PTPRC: variants seen among roughly 807,000 people sequenced by gnomAD.
PTPRC encodes protein tyrosine phosphatase receptor type C, also known as receptor-type tyrosine-protein phosphatase C.
PTPRC carries 44 observed loss-of-function variants against 155.9 expected under a neutral mutation model. The observed-to-expected ratio is 0.28, with a 90% CI of 0.22 to 0.36. The LOEUF (loss-of-function observed/expected upper bound fraction) is 0.36, where lower values mean the gene tolerates loss of function less well. Among genes scored for constraint, PTPRC ranks in the 10% least tolerant of loss-of-function variants. PTPRC has a pLI of 1.00. For synonymous variants in PTPRC, 525 were observed against 533.1 expected, an observed-to-expected ratio of 0.98 and a Z score of 0.21; for missense variants, 1,401 against 1,564.6, an observed-to-expected ratio of 0.90 and a Z score of 1.76.
chr1:198,745,160 T>A (rs951096001), intron 26 of PTPRC, among the ~76,000 whole-genome samples: 1 of 152,016 alleles, frequency 6.6e-6, no homozygotes, highest in African/African-American at 2.4e-5. Flanking sequence ...TATGAATGTT[T>A]ATTTACTATA....
chr1:198,716,896 C>A, intron 13 of PTPRC, 56 bp downstream of exon 13: 1 of 1,505,212 alleles, frequency 6.6e-7, no homozygotes, highest in Non-Finnish European at 9.2e-7. Context: ...AAGGTATGAA[C>A]TTTTTAGCCT....
At chr1:198,691,834 T>C (rs918082527) in intron 2 of PTPRC, among the ~76,000 whole-genome samples, 6 of 152,232 alleles carry the variant, frequency 3.9e-5, no homozygotes, top group Admixed American at 3.9e-4. Flanking sequence ...TGTTCTCCTT[T>C]AGCACATTCT....
chr1:198,727,912 A>T (rs546898177), intron 15 of PTPRC, among the ~76,000 whole-genome samples: 1 of 152,264 alleles, frequency 6.6e-6, no homozygotes, highest in South Asian at 2.1e-4. Flanking sequence ...GTGAAGTAGA[A>T]GTCTTTCTCA....
At chr1:198,673,020 C>T (rs1050948776) in intron 2 of PTPRC, among the ~76,000 whole-genome samples, 2 of 152,142 alleles carry the variant, frequency 1.3e-5, no homozygotes, top group East Asian at 1.9e-4. Context: ...CTCTACCTTA[C>T]ATCTTGCTTT....
chr1:198,755,748 A>AAAT (rs1655615394), intron 32 of PTPRC, among the ~76,000 whole-genome samples, 158 bp from the exon 33 acceptor site: 2 of 152,226 alleles, frequency 1.3e-5, no homozygotes, highest in South Asian at 2.1e-4. Flanking sequence ...TAAAGAAACT[A>AAAT]AATTATTTAG....
At chr1:198,752,830 A>C in intron 31 of PTPRC, 58 bp downstream of exon 31, 1 of 1,560,682 alleles carries the variant, frequency 6.4e-7, no homozygotes, top group South Asian at 1.1e-5. Context: ...TTCTCGGTTC[A>C]CATGTTGTCT....
intron 2 of PTPRC, among the ~76,000 whole-genome samples, chr1:198,643,151 C>T (rs1662731121): frequency 6.6e-6 from 1 of 151,652 alleles, no homozygotes; most frequent in African/African-American, 2.4e-5. Flanking sequence ...TTTTTATCAC[C>T]TTTTCTTGGC....
rs565214239 is a variant in PTPRC at position 198,643,962 on chromosome 1, GA to G, written c.73+4623del. 1.0e-3 allele frequency among the ~76,000 whole-genome samples: 153 copies of G among 152,022 alleles called. 2 individuals carry two copies. In the South Asian group the frequency reaches 0.014, roughly 14 times the overall value. On this transcript the variant is annotated intron_variant, in intron 2 of 32. Coordinates refer to ENST00000442510, the MANE Select transcript of PTPRC (RefSeq NM_002838.5). ...ATTTCTTTACAGACAGTGTGGTGAT[GA>G]ATGTCAATCTGAGTAGGTAAGGGGC...
intron 2 of PTPRC, among the ~76,000 whole-genome samples, chr1:198,669,292 T>C (rs1664511228): frequency 6.6e-6 from 1 of 152,182 alleles, no homozygotes; most frequent in Non-Finnish European, 1.5e-5. Context: ...CATAAGGCTC[T>C]TTATCTCTGA....
rs1655659961 is a variant in PTPRC, at chr1:198,756,322, C to T, written c.*141C>T. On this transcript the variant is annotated 3_prime_UTR_variant, in exon 33 of 33. Transcript: ENST00000442510. ...TTTGTAGAAGGGTTATATTTTACTA[C>T]TGTGGAAAAATATTTAAGATAGTTT... The T allele has an allele frequency of 9.1e-7, 1 of 1,102,852 alleles. No individual in the cohort carries two copies. Among genetic ancestry groups the T allele is most frequent in the African/African-American group, 1.6e-5 (1 of 63,196 alleles). 68.3% of individuals were successfully genotyped at this position (1,102,852 alleles called of 1,614,324 possible).
rs765925106 is a variant in PTPRC, at chr1:198,757,344, C to T, written c.*1163C>T. On this transcript the variant is annotated 3_prime_UTR_variant, in exon 33 of 33. Transcript: ENST00000442510. ...TGCACCTATTGAAATATGTTTAATG[C>T]ATTTATTAACATTTGCAGGACACTT... 15 of 151,210 alleles carry T rather than the reference C, an allele frequency of 9.9e-5. No homozygotes were observed. The highest frequency in any genetic ancestry group is 1.9e-4 in the Non-Finnish European group (13 of 67,672). 9.4% of individuals were successfully genotyped at this position (151,210 alleles called of 1,614,324 possible).
Position 198,756,233 on chromosome 1 carries a change from T to C in PTPRC, c.*52T>C, listed in dbSNP as rs1270497374. 2 of 1,604,370 alleles carry C rather than the reference T, an allele frequency of 1.2e-6. No homozygotes were observed. The highest frequency in any genetic ancestry group is 2.7e-5 in the African/African-American group (2 of 74,648). On this transcript the variant is annotated 3_prime_UTR_variant, in exon 33 of 33. Transcript: ENST00000442510. ...AACCTCCTGTTAGCTGTTATTTCTATTTTTGTAGAAGTAGGAAGTGAAAAT... is the reference window on the plus strand; with the variant it reads ...AACCTCCTGTTAGCTGTTATTTCTACTTTTGTAGAAGTAGGAAGTGAAAAT...
At chr1:198,684,075 G>T (rs1665486303) in intron 2 of PTPRC, among the ~76,000 whole-genome samples, 1 of 151,638 alleles carries the variant, frequency 6.6e-6, no homozygotes, top group Non-Finnish European at 1.5e-5. Flanking sequence ...CTAAATCAAA[G>T]ACTTCAATTT....
intron 29 of PTPRC, among the ~76,000 whole-genome samples, chr1:198,751,083 G>A (rs1459338031): frequency 6.6e-6 from 1 of 151,932 alleles, no homozygotes; most frequent in Non-Finnish European, 1.5e-5. Context: ...CATTTGCATT[G>A]TCATCACTGA....
intron 23 of PTPRC, among the ~76,000 whole-genome samples, chr1:198,739,294 A>G (rs367571475): frequency 4.8e-4 from 12 of 24,864 alleles, no homozygotes; most frequent in Non-Finnish European, 1.1e-3. Flanking sequence ...CTGAATAGAT[A>G]TTAATAAAAC....
chr1:198,694,679 T>A (rs1344826119), intron 3 of PTPRC: 14 of 980,948 alleles, frequency 1.4e-5, no homozygotes, highest in African/African-American at 1.8e-5. Context: ...TGACAGTGAC[T>A]TAATGTGAAT....
chr1:198,701,318 A>G (rs1019289643), intron 5 of PTPRC, among the ~76,000 whole-genome samples: 1 of 152,204 alleles, frequency 6.6e-6, no homozygotes, highest in African/African-American at 2.4e-5. Context: ...CTGCAAGCTC[A>G]AATCAAAGCC....
rs919183172 is a variant in PTPRC, at chr1:198,705,120, CT to C, written c.685+633del. 2.3e-4 allele frequency among the ~76,000 whole-genome samples: 34 copies of C among 147,682 alleles called. No homozygotes were observed. In the South Asian group the frequency reaches 3.0e-3, roughly 13 times the overall value. On this transcript the variant is annotated intron_variant, in intron 8 of 32. Transcript: ENST00000442510. ...AGATACTTGAAAACAGTTTGTCTCT[CT>C]TTTTTTTTTTCTCATTTTCTTCCTT...
intron 32 of PTPRC, among the ~76,000 whole-genome samples, chr1:198,754,723 C>T (rs1050135271): frequency 4.6e-5 from 7 of 151,966 alleles, no homozygotes; most frequent in African/African-American, 1.7e-4. Context: ...TGTTGTGTAA[C>T]AAACCACCCC....
Sources: allele counts gnomAD v4.1 joint callset (sites outside exome capture counted in the v4.1 genomes callset), GRCh38; gene constraint gnomAD v4.1.1; transcripts MANE v1.5; gene names NCBI Gene and HGNC (gene_info 2026-07-23, HGNC 2026-07-21).